Variants in HECW1 observed in about 807,000 individuals in gnomAD.
The protein encoded by HECW1 is HECT, C2 and WW domain containing E3 ubiquitin protein ligase 1, also known as E3 ubiquitin-protein ligase HECW1.
A neutral mutation model predicts 182.3 loss-of-function variants in HECW1; 61 were observed. That is an observed-to-expected ratio of 0.33 (90% CI 0.27 to 0.41). The LOEUF (loss-of-function observed/expected upper bound fraction) is 0.41. HECW1 is among the 10% of genes least tolerant of loss of function. The probability of loss-of-function intolerance (pLI) is 1.00; values close to 1 mark genes in which losing one functional copy is unlikely to be tolerated. For synonymous variants in HECW1, 859 were observed against 832.6 expected (o/e 1.03, Z -0.55); for missense variants, 1,739 against 2,108.9 (o/e 0.82, Z 3.44).
chr7:43,292,340 C>A (rs939339499), intron 3 of HECW1, among the ~76,000 whole-genome samples: 3 of 152,272 alleles, frequency 2.0e-5, no homozygotes, highest in African/African-American at 7.2e-5. Flanking sequence ...AGTTTTACGG[C>A]CAGCACTTGT....
chr7:43,542,763 G>A (rs893547957), intron 26 of HECW1, among the ~76,000 whole-genome samples: 2 of 152,126 alleles, frequency 1.3e-5, no homozygotes, highest in East Asian at 1.9e-4. Context: ...TTAAATTAGC[G>A]AATAAGGGAT....
intron 6 of HECW1, among the ~76,000 whole-genome samples, chr7:43,382,731 A>T (rs2074607186): frequency 6.6e-6 from 1 of 152,190 alleles, no homozygotes; most frequent in Non-Finnish European, 1.5e-5. Flanking sequence ...AACTGAGTGG[A>T]TGGATTGCAC....
At chr7:43,460,543 TGTGTGTGC>T (rs998580789) in intron 13 of HECW1, among the ~76,000 whole-genome samples, 42 of 151,912 alleles carry the variant, frequency 2.8e-4, no homozygotes, top group Admixed American at 5.9e-4. Context: ...CGCGCGTGCG[TGTGTGTGC>T]GTGTGTGCGT....
chr7:43,319,539 G>A (rs189142743), intron 4 of HECW1, among the ~76,000 whole-genome samples: 7 of 69,520 alleles, frequency 1.0e-4, no homozygotes, highest in African/African-American at 2.4e-4. Context: ...CCCCCCACCC[G>A]CCGGCCTCCT....
At chr7:43,558,103 C>A (rs773564372) in intron 29 of HECW1, among the ~76,000 whole-genome samples, 1 of 152,030 alleles carries the variant, frequency 6.6e-6, no homozygotes, top group Admixed American at 6.6e-5. Context: ...CACTAGGACC[C>A]GGAGGCAGCA....
intron 8 of HECW1, among the ~76,000 whole-genome samples, chr7:43,431,102 CTT>C (rs1325468189): frequency 1.3e-5 from 2 of 152,062 alleles, no homozygotes; most frequent in Non-Finnish European, 2.9e-5. Flanking sequence ...TTAACAATGT[CTT>C]TAACATTTCT....
intron 15 of HECW1, among the ~76,000 whole-genome samples, chr7:43,467,852 C>A (rs921361761): frequency 4.6e-5 from 7 of 152,128 alleles, no homozygotes; most frequent in Admixed American, 3.3e-4. Context: ...TGGAGTTTGA[C>A]TGGGTGATGG....
rs2152877201 is a variant in HECW1, at chr7:43,444,153, A to G, written c.1046-65A>G. On this transcript the variant is annotated intron_variant, in intron 10 of 29. Coordinates refer to ENST00000395891, the MANE Select transcript of HECW1 (RefSeq NM_015052.5). This position sits in a 1 kb window ranked among gnomAD's most constrained non-coding sequence, Gnocchi z 4.3. ...CTTAGTGATGGCTTACATGTCCCAC[A>G]GGGTATCCTAACACCACAATGCTCT... 1 of 1,474,656 alleles carries G rather than the reference A, an allele frequency of 6.8e-7. No individual in the cohort carries two copies. Among genetic ancestry groups the G allele is most frequent in the Non-Finnish European group, 9.2e-7 (1 of 1,089,222 alleles). The allele number at this position is 1,474,656 out of a possible 1,614,324, so 91.3% of individuals were successfully genotyped here.
intron 24 of HECW1, among the ~76,000 whole-genome samples, chr7:43,529,484 C>T (rs2080894874): frequency 6.6e-6 from 1 of 152,154 alleles, no homozygotes; most frequent in Admixed American, 6.5e-5. Context: ...CACTCCCTGA[C>T]CTCAGAAAGT....
intron 2 of HECW1, among the ~76,000 whole-genome samples, chr7:43,140,338 A>G (rs974008065): frequency 1.3e-5 from 2 of 152,206 alleles, no homozygotes; most frequent in African/African-American, 4.8e-5. Context: ...CCCAGGCCAT[A>G]GAGGTGCTTC....
intron 2 of HECW1, among the ~76,000 whole-genome samples, chr7:43,192,693 A>G (rs1307366626): frequency 1.3e-5 from 2 of 152,234 alleles, no homozygotes; most frequent in Non-Finnish European, 2.9e-5. Flanking sequence ...GTGACAATCA[A>G]TGTCAACATT....
intron 5 of HECW1, among the ~76,000 whole-genome samples, chr7:43,336,016 CTTTCTTTCTT>C (rs1812128072): frequency 2.3e-5 from 2 of 87,138 alleles, no homozygotes; most frequent in African/African-American, 1.4e-4. Context: ...TTCTCTTTCT[CTTTCTTTCTT>C]TTTCTTTCTT....
At chr7:43,147,219 A>G (rs1195895297) in intron 2 of HECW1, among the ~76,000 whole-genome samples, 5 of 150,214 alleles carry the variant, frequency 3.3e-5, no homozygotes, top group Non-Finnish European at 7.4e-5. Flanking sequence ...GGTAATATGC[A>G]TTTAATCTTG....
chr7:43,513,450 C>G (rs997756818), intron 24 of HECW1, among the ~76,000 whole-genome samples: 2 of 152,154 alleles, frequency 1.3e-5, no homozygotes, highest in African/African-American at 4.8e-5. Flanking sequence ...TCTGAAAGCT[C>G]CCCTTTGAGA....
In HECW1 at chr7:43,564,830, C is replaced by T. The variant is rs1026571907; in HGVS notation, c.*2904C>T. 1.1e-5 allele frequency: 2 copies of T among 182,828 alleles called. No homozygotes were observed. The highest frequency in any genetic ancestry group is 8.9e-5 in the East Asian group (1 of 11,236). The allele number at this position is 182,828 out of a possible 1,614,324, so 11.3% of individuals were successfully genotyped here. On this transcript the variant is annotated 3_prime_UTR_variant, in exon 30 of 30. Coordinates refer to ENST00000395891, the MANE Select transcript of HECW1 (RefSeq NM_015052.5). The stretch of plus-strand genomic sequence containing the variant: ...TTCACTTAGGTGGAGGTATAAACCA[C>T]CTTAAATTATATAGTTCGGCAGAAA...
intron 3 of HECW1, among the ~76,000 whole-genome samples, chr7:43,253,532 G>A (rs1800252895): frequency 6.6e-6 from 1 of 152,194 alleles, no homozygotes; most frequent in Non-Finnish European, 1.5e-5. Context: ...GCTGCTGATA[G>A]CTCTGTTCTA....
intron 3 of HECW1, among the ~76,000 whole-genome samples, chr7:43,278,760 C>G (rs1803507257): frequency 1.3e-5 from 2 of 152,172 alleles, no homozygotes; most frequent in African/African-American, 4.8e-5. Context: ...CACTTCTCCT[C>G]CTCCTCCTAA....
Position 43,500,763 on chromosome 7 carries a change from G to C in HECW1, c.3502G>C (p.Asp1168His). ...GCTTGAGAAGTTGTCCTGTGATGCG[G>C]ATCTGGTCATTTTGCTGAGGTAGGG... is the stretch of plus-strand genomic sequence containing the variant. The part of the protein sequence containing the change: ...HGLEKLSCDA[D>H]LVILLSLFEE... The change falls in exon 20 of 30, where the codon GAT becomes CAT. Residue 1168 changes from aspartate to histidine, a missense_variant. Physicochemically the swap from Asp to His is moderately conservative, Grantham distance 81 (BLOSUM62 -1). Coordinates refer to ENST00000395891, the MANE Select transcript of HECW1 (RefSeq NM_015052.5). 1 of 1,613,814 alleles carries C rather than the reference G, an allele frequency of 6.2e-7. No individual in the cohort carries two copies. The highest frequency in any genetic ancestry group is 1.7e-5 in the Admixed American group (1 of 60,014).
intron 18 of HECW1, among the ~76,000 whole-genome samples, chr7:43,492,552 T>C (rs2078971678): frequency 6.6e-6 from 1 of 152,252 alleles, no homozygotes; most frequent in Non-Finnish European, 1.5e-5. Flanking sequence ...TTTCCATGTA[T>C]GTATGGCATA....
Sources: allele counts gnomAD v4.1 joint callset (sites outside exome capture counted in the v4.1 genomes callset), GRCh38; gene constraint gnomAD v4.1.1; non-coding constraint Gnocchi (gnomAD v3.1); transcripts MANE v1.5; gene names NCBI Gene and HGNC (gene_info 2026-07-23, HGNC 2026-07-21).